The following SPIRE1 variants were observed in gnomAD, a reference collection of about 807,000 sequenced individuals.
The protein encoded by SPIRE1 is spire type actin nucleation factor 1, also known as protein spire homolog 1.
Under a neutral mutation model 94.1 loss-of-function variants are expected in SPIRE1, and 40 were observed. The observed-to-expected ratio is 0.43, with a 90% confidence interval of 0.33 to 0.55. The LOEUF is 0.55. SPIRE1 is among the 20% of genes least tolerant of loss of function. The pLI, the probability that SPIRE1 is intolerant of heterozygous loss-of-function variation, is 0.06. For missense variants in SPIRE1, 838 were observed against 975.2 expected (o/e 0.86, Z 1.87); for synonymous variants, 376 against 371.7 (o/e 1.01, Z -0.13).
At chr18:12,543,197 T>C (rs953273612) in intron 3 of SPIRE1, among the ~76,000 whole-genome samples, 5 of 152,264 alleles carry the variant, frequency 3.3e-5, no homozygotes, top group Non-Finnish European at 7.3e-5. Context: ...GACTGCCTTC[T>C]GCCTGATGTA....
intron 2 of SPIRE1, among the ~76,000 whole-genome samples, chr18:12,631,533 A>G: frequency 7.3e-6 from 1 of 137,166 alleles, no homozygotes; most frequent in Non-Finnish European, 1.6e-5. Context: ...GCAACATAGC[A>G]AAACCCCATC....
intron 10 of SPIRE1, among the ~76,000 whole-genome samples, chr18:12,475,017 G>A (rs138847191): frequency 1.3e-5 from 2 of 152,248 alleles, no homozygotes; most frequent in African/African-American, 4.8e-5. Flanking sequence ...ATGGTGCAAC[G>A]TCAGCCAGGA....
intron 13 of SPIRE1, among the ~76,000 whole-genome samples, chr18:12,453,827 C>T (rs2031371636): frequency 6.6e-6 from 1 of 151,398 alleles, no homozygotes; most frequent in Admixed American, 6.6e-5. Context: ...ACTATGTCAC[C>T]AGGCTGGAGT....
intron 2 of SPIRE1, among the ~76,000 whole-genome samples, chr18:12,576,076 G>T (rs989931348): frequency 2.0e-5 from 3 of 152,030 alleles, no homozygotes; most frequent in Non-Finnish European, 2.9e-5. Context: ...GGTGGTGCAT[G>T]TCTGTAATCC....
chr18:12,615,521 CAGAG>C (rs1210912004), intron 2 of SPIRE1, among the ~76,000 whole-genome samples: 1 of 109,688 alleles, frequency 9.1e-6, no homozygotes, highest in Admixed American at 9.5e-5. Flanking sequence ...CCTTGGGCGA[CAGAG>C]AGAGACTCTA....
intron 2 of SPIRE1, among the ~76,000 whole-genome samples, chr18:12,625,027 A>T (rs1012216714): frequency 1.5e-5 from 2 of 132,632 alleles, no homozygotes; most frequent in African/African-American, 5.7e-5. Flanking sequence ...TAACCCAGAA[A>T]GGTCATTTTA....
At chr18:12,637,856 A>C (rs2037976933) in intron 1 of SPIRE1, among the ~76,000 whole-genome samples, 1 of 152,252 alleles carries the variant, frequency 6.6e-6, no homozygotes, top group African/African-American at 2.4e-5. Flanking sequence ...AAAAGGGCAT[A>C]AGAGTCTATA....
chr18:12,536,884 A>G (rs1343589902), intron 3 of SPIRE1, among the ~76,000 whole-genome samples: 1 of 152,220 alleles, frequency 6.6e-6, no homozygotes, highest in Non-Finnish European at 1.5e-5. Flanking sequence ...AGTTCTCTTA[A>G]TTTCTTACTA....
intron 10 of SPIRE1, among the ~76,000 whole-genome samples, chr18:12,469,970 C>A (rs1346856512): frequency 6.6e-6 from 1 of 151,910 alleles, no homozygotes; most frequent in African/African-American, 2.4e-5. Flanking sequence ...GAGACAAGTT[C>A]TCACTCTGTT....
At chr18:12,472,350 C>T (rs559249740) in intron 10 of SPIRE1, among the ~76,000 whole-genome samples, 18 of 150,796 alleles carry the variant, frequency 1.2e-4, no homozygotes, top group Admixed American at 1.1e-3. Flanking sequence ...ACCATTATAG[C>T]GACACCATGC....
rs555391969 is a variant in SPIRE1 at position 12,524,722 on chromosome 18, T to G, written c.729+10754A>C. On this transcript the variant is annotated intron_variant, in intron 4 of 16. Coordinates refer to ENST00000409402, the MANE Select transcript of SPIRE1 (RefSeq NM_001128626.2). ...GGCACAATGGCTCATGCATGTAATC[T>G]CAGTGCGTTGGGAAGGTAAGGTGGC... Among the ~76,000 whole-genome samples the G allele has an allele frequency of 2.0e-5, 3 of 152,192 alleles. No individual in the cohort carries two copies. In the South Asian group the frequency reaches 6.2e-4, roughly 32 times the overall value.
At chr18:12,660,320 A>AT (rs11433721), upstream of SPIRE1, among the ~76,000 whole-genome samples, 62,862 of 142,090 alleles carry the variant, frequency 0.44, 14,232 homozygotes, top group African/African-American at 0.58. Flanking sequence ...AAAAAGATGC[A>AT]TTTTTTTTTT....
intron 1 of SPIRE1, among the ~76,000 whole-genome samples, chr18:12,643,417 C>A (rs1227743441): frequency 6.6e-6 from 1 of 152,184 alleles, no homozygotes; most frequent in East Asian, 1.9e-4. Context: ...TTCTACTATT[C>A]CCTATCAATT....
chr18:12,453,252 A>T (rs1240044979), intron 13 of SPIRE1, 114 bp from the exon 14 acceptor site: 9 of 615,204 alleles, frequency 1.5e-5, no homozygotes, highest in Non-Finnish European at 5.6e-6. Context: ...AGACAAGAGG[A>T]GGAAGACAAT....
intron 2 of SPIRE1, among the ~76,000 whole-genome samples, chr18:12,578,463 A>G (rs1181644310): frequency 6.6e-6 from 1 of 152,266 alleles, no homozygotes; most frequent in Non-Finnish European, 1.5e-5. Context: ...CATTCTGTAT[A>G]GTTCAATTTA....
chr18:12,627,048 G>T (rs1157203132), intron 2 of SPIRE1, among the ~76,000 whole-genome samples: 1 of 151,696 alleles, frequency 6.6e-6, no homozygotes, highest in Non-Finnish European at 1.5e-5. Context: ...TTCAGAGGTG[G>T]ACAGAGAAAC....
intron 1 of SPIRE1, among the ~76,000 whole-genome samples, chr18:12,646,462 C>G (rs901578117): frequency 6.6e-6 from 1 of 152,076 alleles, no homozygotes; most frequent in Non-Finnish European, 1.5e-5. Context: ...AGAAGGCACT[C>G]AAATATTGGT....
Position 12,546,738 on chromosome 18 carries a change from C to T in SPIRE1, c.539G>A (p.Gly180Asp), listed in dbSNP as rs776757245. ...TCTCTTTTCATCTTCATCTCCCAGGCCTTCTTCTGCAGCCTCATAGCCCTC... is the reference window on the plus strand; with the variant it reads ...TCTCTTTTCATCTTCATCTCCCAGGTCTTCTTCTGCAGCCTCATAGCCCTC... Reference protein sequence around the residue: ...NDEGYEAAEEGLGDEDEKRKI... With the variant: ...NDEGYEAAEEDLGDEDEKRKI... Residue 180 changes from glycine to aspartate, a missense_variant, in exon 3 of 17, where the codon GGC becomes GAC. Physicochemically the swap from Gly to Asp is moderately conservative, Grantham distance 94. Around this residue, in one of 2 missense-constraint regions of SPIRE1, gnomAD observed 645 missense variants for 804.7 expected, o/e 0.80. Coordinates refer to ENST00000409402, the MANE Select transcript of SPIRE1 (RefSeq NM_001128626.2). The T allele has an allele frequency of 1.2e-6, 2 of 1,614,156 alleles. No individual in the cohort carries two copies. The highest frequency in any genetic ancestry group is 2.2e-5 in the East Asian group (1 of 44,882).
chr18:12,496,941 G>A (rs749143116), intron 6 of SPIRE1, among the ~76,000 whole-genome samples: 1 of 151,998 alleles, frequency 6.6e-6, no homozygotes, highest in African/African-American at 2.4e-5. Context: ...GGCAGCAGGC[G>A]CCTGTAATTC....
Sources: gnomAD v4.1 joint callset for allele counts (sites outside exome capture counted in the v4.1 genomes callset) on GRCh38, gnomAD v4.1.1 for gene constraint, gnomAD v4.1.1 regional missense constraint, MANE v1.5 for transcripts, NCBI Gene and HGNC (gene_info 2026-07-23, HGNC 2026-07-21) for gene names.